GRIN2B: variants seen among roughly 807,000 people sequenced by gnomAD.
The protein encoded by GRIN2B is glutamate ionotropic receptor NMDA type subunit 2B.
In GRIN2B, 5 loss-of-function variants were observed where a neutral mutation model predicts 114.5. The ratio of observed to expected loss-of-function variants is 0.04; its 90% CI spans 0.02 to 0.09. GRIN2B has a LOEUF of 0.09. Among genes scored for constraint, GRIN2B ranks in the 10% least tolerant of loss-of-function variants. GRIN2B has a pLI of 1.00. For missense variants in GRIN2B, 1,108 were observed against 1,943.5 expected (o/e 0.57, Z 8.08); for synonymous variants, 787 against 745.1 (o/e 1.06, Z -0.92).
chr12:13,640,864 T>TA (rs1426240515), intron 5 of GRIN2B, among the ~76,000 whole-genome samples: 4 of 151,972 alleles, frequency 2.6e-5, no homozygotes, highest in Non-Finnish European at 4.4e-5. Context: ...TAATGAGGTT[T>TA]AAAAAAAATT....
At chr12:13,643,434 G>C (rs1397464418) in intron 5 of GRIN2B, among the ~76,000 whole-genome samples, 1 of 152,094 alleles carries the variant, frequency 6.6e-6, no homozygotes. Context: ...AAATGCTAAG[G>C]ATCATCTGAG....
At position 13,537,657 on chromosome 12, in the gene GRIN2B, A is replaced by G. The variant is rs554491724; in HGVS notation, c.*25126T>C. On this transcript the variant is annotated 3_prime_UTR_variant, in exon 14 of 14. Coordinates refer to ENST00000609686, the MANE Select transcript of GRIN2B (RefSeq NM_000834.5). Reference sequence around the variant, plus strand: ...CCCAGATGCACATACATAGTGGTTCACATTCTGGCTGTATATTAAAATCAC... The same window carrying G: ...CCCAGATGCACATACATAGTGGTTCGCATTCTGGCTGTATATTAAAATCAC... 6.6e-6 allele frequency: 1 copy of G among 152,336 alleles called. No individual in the cohort carries two copies. The highest frequency in any genetic ancestry group is 1.9e-4 in the East Asian group (1 of 5,178). The allele number at this position is 152,336 out of a possible 1,614,324, so 9.4% of individuals were successfully genotyped here.
At chr12:13,786,307 T>C (rs1237822942) in intron 3 of GRIN2B, among the ~76,000 whole-genome samples, 1 of 152,088 alleles carries the variant, frequency 6.6e-6, no homozygotes, top group African/African-American at 2.4e-5. Flanking sequence ...GTCAGAAAAA[T>C]TCCACCCAGT....
At chr12:13,795,421 C>T (rs1864402264) in intron 3 of GRIN2B, among the ~76,000 whole-genome samples, 1 of 151,780 alleles carries the variant, frequency 6.6e-6, no homozygotes, top group African/African-American at 2.4e-5. Context: ...TTTGATCTTG[C>T]CATGCACTTT....
chr12:13,596,287 A>C (rs1805507), intron 10 of GRIN2B, among the ~76,000 whole-genome samples: 1 of 152,240 alleles, frequency 6.6e-6, no homozygotes, highest in East Asian at 1.9e-4. Context: ...TGCAAGAAAC[A>C]CAGCTGGCTA....
rs1410177539 is a variant in GRIN2B at position 13,557,318 on chromosome 12, A to T, written c.*5465T>A. 1 of 152,226 alleles carries T rather than the reference A, an allele frequency of 6.6e-6. No individual in the cohort carries two copies. The highest frequency in any genetic ancestry group is 2.4e-5 in the African/African-American group (1 of 41,448). 9.4% of individuals were successfully genotyped at this position (152,226 alleles called of 1,614,324 possible). A position where few individuals can be genotyped will look rare whatever the true frequency, so the allele number is the denominator to read the frequency against. Reference sequence around the variant, plus strand: ...GAAACAATTGCCCCCCAGGTTAAGTAGCACCTGAGGTCATAAGTGGCTCTT... The same window carrying T: ...GAAACAATTGCCCCCCAGGTTAAGTTGCACCTGAGGTCATAAGTGGCTCTT... On this transcript the variant is annotated 3_prime_UTR_variant, in exon 14 of 14. Coordinates refer to ENST00000609686, the MANE Select transcript of GRIN2B (RefSeq NM_000834.5).
At chr12:13,620,210 G>C (rs748033381) in intron 5 of GRIN2B, among the ~76,000 whole-genome samples, 12 of 152,204 alleles carry the variant, frequency 7.9e-5, no homozygotes, top group Non-Finnish European at 1.3e-4. Context: ...TGAGGGAACA[G>C]AGTGGTGCAG....
chr12:13,834,197 A>ATTTTTTTTTTTTTT (rs756189402), intron 3 of GRIN2B, among the ~76,000 whole-genome samples: 4 of 111,522 alleles, frequency 3.6e-5, no homozygotes, highest in African/African-American at 7.3e-5. Flanking sequence ...CGCCTGGCTA[A>ATTTTTTTTTTTTTT]TTTTTTTTTT....
Position 13,867,563 on chromosome 12 carries a change from G to A in GRIN2B, c.-18-1337C>T, listed in dbSNP as rs570417554. On this transcript the variant is annotated intron_variant, in intron 2 of 13. Transcript: ENST00000609686. ...GCCCGAATCCATAAAAAATTAAAAA[G>A]AATCATTTATTGTACATCTTTTATA... Among the ~76,000 whole-genome samples, 5 of 152,196 alleles carry A rather than the reference G, an allele frequency of 3.3e-5. No homozygotes were observed. In the South Asian group the frequency reaches 8.3e-4, roughly 25 times the overall value.
intron 3 of GRIN2B, among the ~76,000 whole-genome samples, chr12:13,847,220 T>C (rs1213541504): frequency 6.6e-6 from 1 of 152,164 alleles, no homozygotes; most frequent in Non-Finnish European, 1.5e-5. Flanking sequence ...AAATTTATAT[T>C]ATTATTCCTG....
intron 3 of GRIN2B, among the ~76,000 whole-genome samples, chr12:13,836,738 G>C (rs1366365360): frequency 6.6e-6 from 1 of 152,074 alleles, no homozygotes; most frequent in African/African-American, 2.4e-5. Flanking sequence ...GGGACCTGGA[G>C]ATCTTCTGAC....
At chr12:13,826,026 CTTTT>C (rs1008677156) in intron 3 of GRIN2B, among the ~76,000 whole-genome samples, 1 of 150,320 alleles carries the variant, frequency 6.7e-6, no homozygotes, top group Non-Finnish European at 1.5e-5. Flanking sequence ...TTTGTTTCTT[CTTTT>C]TTTTTCTTGC....
At chr12:13,912,116 T>C (rs1866636083) in intron 2 of GRIN2B, among the ~76,000 whole-genome samples, 1 of 152,066 alleles carries the variant, frequency 6.6e-6, no homozygotes, top group East Asian at 1.9e-4. Flanking sequence ...CTGTAGACGG[T>C]TCCTTAGTGC....
At chr12:13,638,890 C>T (rs1009228408) in intron 5 of GRIN2B, among the ~76,000 whole-genome samples, 6 of 152,074 alleles carry the variant, frequency 3.9e-5, no homozygotes, top group African/African-American at 1.4e-4. Context: ...AGTTACCTTA[C>T]TCCTGGTTCC....
chr12:13,687,298 T>A (rs147268856), intron 4 of GRIN2B, among the ~76,000 whole-genome samples: 153 of 152,340 alleles, frequency 1.0e-3, no homozygotes, highest in Admixed American at 6.3e-3. Context: ...CCAGTTTTTT[T>A]TAGCAAGTCC....
intron 3 of GRIN2B, among the ~76,000 whole-genome samples, chr12:13,813,355 A>G (rs908165821): frequency 1.3e-5 from 2 of 152,184 alleles, no homozygotes; most frequent in African/African-American, 4.8e-5. Flanking sequence ...AATAAGAGTG[A>G]GGCAAAAATC....
intron 2 of GRIN2B, among the ~76,000 whole-genome samples, chr12:13,903,772 C>T (rs1044233287): frequency 1.3e-5 from 2 of 152,002 alleles, no homozygotes; most frequent in African/African-American, 2.4e-5. Flanking sequence ...ATATCCATAT[C>T]AGTAACTGAG....
At chr12:13,671,882 G>A (rs562872160) in intron 5 of GRIN2B, among the ~76,000 whole-genome samples, 1 of 152,258 alleles carries the variant, frequency 6.6e-6, no homozygotes, top group East Asian at 1.9e-4. Context: ...CTGGTGTGAA[G>A]AGGCAGGCAA....
At chr12:13,621,612 T>TG (rs1949515820) in intron 5 of GRIN2B, among the ~76,000 whole-genome samples, 1 of 112,354 alleles carries the variant, frequency 8.9e-6, no homozygotes, top group African/African-American at 3.6e-5. Flanking sequence ...GCCTAGTTTT[T>TG]GTTTTTTTTT....
Sources: gnomAD v4.1 joint callset for allele counts (sites outside exome capture counted in the v4.1 genomes callset) on GRCh38, gnomAD v4.1.1 for gene constraint, MANE v1.5 for transcripts, NCBI Gene and HGNC (gene_info 2026-07-23, HGNC 2026-07-21) for gene names.